The following RERE variants were observed in gnomAD, a reference collection of about 807,000 sequenced individuals.
The protein encoded by RERE is arginine-glutamic acid dipeptide repeats protein.
In RERE, 40 loss-of-function variants were observed where a neutral mutation model predicts 146.1. The observed-to-expected ratio is 0.27, with a 90% CI of 0.21 to 0.36. The LOEUF (loss-of-function observed/expected upper bound fraction) is 0.36. Among genes scored for constraint, RERE ranks in the 10% least tolerant of loss-of-function variants. The pLI is 1.00. For synonymous variants in RERE, 1,003 were observed against 866.0 expected (o/e 1.16, Z -2.78); for missense variants, 1,933 against 2,138.7 (o/e 0.90, Z 1.90).
intron 4 of RERE, among the ~76,000 whole-genome samples, chr1:8,584,974 C>T (rs1646409486): frequency 6.6e-6 from 1 of 151,806 alleles, no homozygotes; most frequent in African/African-American, 2.4e-5. Flanking sequence ...TGGTGAAACC[C>T]CGTCTCTACT....
intron 12 of RERE, among the ~76,000 whole-genome samples, chr1:8,370,117 G>C (rs1641979471): frequency 6.6e-6 from 1 of 151,876 alleles, no homozygotes; most frequent in Non-Finnish European, 1.5e-5. Flanking sequence ...GTCCAAACTG[G>C]AAACAACCTA....
At chr1:8,575,544 T>C (rs1433412445) in intron 4 of RERE, among the ~76,000 whole-genome samples, 1 of 59,592 alleles carries the variant, frequency 1.7e-5, no homozygotes, top group Non-Finnish European at 3.3e-5. Flanking sequence ...AATATATATA[T>C]ATATATATAT....
At chr1:8,733,011 C>T (rs1569662892) in intron 1 of RERE, among the ~76,000 whole-genome samples, 1 of 151,530 alleles carries the variant, frequency 6.6e-6, no homozygotes, top group African/African-American at 2.4e-5. Flanking sequence ...TTAGTAGAGA[C>T]GGGGTTTCAC....
chr1:8,687,710 T>C (rs1358813229), intron 1 of RERE, among the ~76,000 whole-genome samples: 1 of 152,234 alleles, frequency 6.6e-6, no homozygotes, highest in Non-Finnish European at 1.5e-5. Flanking sequence ...AATTGCTTCG[T>C]CATACATAAC....
chr1:8,812,952 AACAC>A (rs369164923), intron 1 of RERE, among the ~76,000 whole-genome samples: 1 of 151,700 alleles, frequency 6.6e-6, no homozygotes, highest in African/African-American at 2.4e-5. Flanking sequence ...TTAAAAAAAA[AACAC>A]ACACACACAC....
intron 11 of RERE, among the ~76,000 whole-genome samples, chr1:8,427,631 C>G (rs1034716087): frequency 3.2e-5 from 4 of 125,822 alleles, no homozygotes; most frequent in Non-Finnish European, 4.9e-5. Flanking sequence ...ACCCTTGGCC[C>G]CACTTTAAAA....
At chr1:8,740,394 T>A (rs974835237) in intron 1 of RERE, among the ~76,000 whole-genome samples, 3 of 152,214 alleles carry the variant, frequency 2.0e-5, no homozygotes, top group African/African-American at 7.2e-5. Context: ...GGTGAGTAAA[T>A]GTGAAGGCCT....
chr1:8,759,901 T>C (rs1361285440), intron 1 of RERE, among the ~76,000 whole-genome samples: 4 of 151,824 alleles, frequency 2.6e-5, no homozygotes, highest in East Asian at 3.9e-4. Context: ...ATCAGAGCTA[T>C]TACACTGTAT....
intron 1 of RERE, among the ~76,000 whole-genome samples, chr1:8,720,250 C>T (rs1304881581): frequency 6.8e-6 from 1 of 146,158 alleles, no homozygotes; most frequent in Admixed American, 7.1e-5. Context: ...TCCAGCCTGG[C>T]GGCAGCAAGA....
chr1:8,710,073 C>T (rs560337909), intron 1 of RERE, among the ~76,000 whole-genome samples: 9 of 152,318 alleles, frequency 5.9e-5, no homozygotes, highest in Middle Eastern at 3.4e-3. Flanking sequence ...TCGGCCATCT[C>T]ACATCAGTGA....
intron 12 of RERE, among the ~76,000 whole-genome samples, chr1:8,383,610 C>A (rs574429821): frequency 6.6e-6 from 1 of 152,258 alleles, no homozygotes; most frequent in South Asian, 2.1e-4. Flanking sequence ...CCTGTAATCC[C>A]AGCACTTTGG....
intron 4 of RERE, among the ~76,000 whole-genome samples, chr1:8,609,714 A>G (rs1646768272): frequency 6.6e-6 from 1 of 152,230 alleles, no homozygotes; most frequent in Non-Finnish European, 1.5e-5. Flanking sequence ...CAGCATTTCC[A>G]AAAGAGCATT....
At chr1:8,571,052 C>T (rs1646215664) in intron 4 of RERE, among the ~76,000 whole-genome samples, 1 of 152,118 alleles carries the variant, frequency 6.6e-6, no homozygotes, top group African/African-American at 2.4e-5. Context: ...AAGTATTTGT[C>T]TACATTAAAA....
At chr1:8,712,462 A>G (rs899838711) in intron 1 of RERE, among the ~76,000 whole-genome samples, 2 of 152,328 alleles carry the variant, frequency 1.3e-5, no homozygotes, top group Non-Finnish European at 2.9e-5. Flanking sequence ...AGAATACGAG[A>G]GCCCTATCAG....
chr1:8,486,478 T>C (rs1644900872), intron 10 of RERE, among the ~76,000 whole-genome samples: 1 of 152,080 alleles, frequency 6.6e-6, no homozygotes, highest in African/African-American at 2.4e-5. Flanking sequence ...CACCAAAAAA[T>C]TCAAAACATT....
intron 1 of RERE, among the ~76,000 whole-genome samples, chr1:8,778,947 A>G (rs1641116785): frequency 6.6e-6 from 1 of 152,094 alleles, no homozygotes; most frequent in Admixed American, 6.5e-5. Context: ...TCTTGGGTTC[A>G]AGCAATTCTC....
intron 4 of RERE, among the ~76,000 whole-genome samples, chr1:8,559,767 C>G (rs1412340120): frequency 6.6e-6 from 1 of 152,134 alleles, no homozygotes; most frequent in Non-Finnish European, 1.5e-5. Flanking sequence ...CGAAGCCATT[C>G]TGGGGAAATA....
chr1:8,577,794 A>C (rs1646314652), intron 4 of RERE, among the ~76,000 whole-genome samples: 1 of 152,144 alleles, frequency 6.6e-6, no homozygotes, highest in Admixed American at 6.5e-5. Context: ...CTGGACATGC[A>C]CTTTAAAAGG....
At chr1:8,748,435 G>A (rs2124512955) in intron 1 of RERE, among the ~76,000 whole-genome samples, 1 of 152,200 alleles carries the variant, frequency 6.6e-6, no homozygotes, top group East Asian at 1.9e-4. Flanking sequence ...AGGCTCACAG[G>A]TTACGTTGCT....
Sources: allele counts gnomAD v4.1 joint callset (sites outside exome capture counted in the v4.1 genomes callset), GRCh38; gene constraint gnomAD v4.1.1; transcripts MANE v1.5; gene names NCBI Gene and HGNC (gene_info 2026-07-23, HGNC 2026-07-21).